Variants in FASTKD1 observed in about 807,000 individuals in gnomAD.
The protein encoded by FASTKD1 is FAST kinase domains 1.
FASTKD1 carries 94 observed loss-of-function variants against 90.9 expected under a neutral mutation model. The observed-to-expected ratio is 1.03, with a 90% CI of 0.88 to 1.23. The LOEUF (loss-of-function observed/expected upper bound fraction) is 1.23. Ranked by LOEUF, FASTKD1 falls within the 50% of genes most tolerant of loss-of-function variation. The probability of loss-of-function intolerance (pLI) is 0.00; values close to 1 mark genes in which losing one functional copy is unlikely to be tolerated. For synonymous variants in FASTKD1, 319 were observed against 345.8 expected (o/e 0.92, Z 0.86); for missense variants, 945 against 993.5 (o/e 0.95, Z 0.66).
At chr2:169,543,515 G>A (rs967896206) in intron 9 of FASTKD1, among the ~76,000 whole-genome samples, 2 of 152,072 alleles carry the variant, frequency 1.3e-5, no homozygotes, top group Admixed American at 6.5e-5. Context: ...ATTTGATTAC[G>A]GACTAGGTAG....
chr2:169,563,924 T>G (rs1683835416), intron 3 of FASTKD1, among the ~76,000 whole-genome samples: 1 of 152,156 alleles, frequency 6.6e-6, no homozygotes, highest in South Asian at 2.1e-4. Context: ...TAAAACATAC[T>G]GAGCAAACTA....
Position 169,561,794 on chromosome 2 carries a change from A to AAAAT in FASTKD1, c.573-1010_573-1009insATTT, listed in dbSNP as rs1226931881. ...TGTAAATTATTTATTAATTTATTGT[A>AAAAT]AATTATTTATTAATTTATTGTAAAT... On this transcript the variant is annotated intron_variant, in intron 4 of 14. Transcript: ENST00000453153. Among the ~76,000 whole-genome samples the AAAAT allele has an allele frequency of 1.6e-4, 23 of 146,442 alleles. 1 individual carries two copies. The South Asian group carries it at 3.6e-3, about 23-fold the overall frequency.
intron 11 of FASTKD1, 135 bp downstream of exon 11, chr2:169,537,877 AT>A: frequency 4.5e-6 from 3 of 661,016 alleles, no homozygotes; most frequent in Non-Finnish European, 7.5e-6. Flanking sequence ...ACAATATCTC[AT>A]ATAAAATATT....
In FASTKD1 at chr2:169,546,256, C is replaced by G; in HGVS notation, c.1663G>C (p.Asp555His). The change falls in exon 8 of 15, where the codon GAT becomes CAT. Residue 555 changes from aspartate to histidine, a missense_variant. Transcript: ENST00000453153. ...STDYLSTLLL[D>H]RIASVAVQQI... Reference sequence around the variant, plus strand: ...TGAACAGCCACTGAGGCTATCCTATCTAGTAGCAAAGTACTGAGGTAATCA... The same window carrying G: ...TGAACAGCCACTGAGGCTATCCTATGTAGTAGCAAAGTACTGAGGTAATCA... The G allele has an allele frequency of 1.2e-6, 2 of 1,606,862 alleles. No individual in the cohort carries two copies. Among genetic ancestry groups the G allele is most frequent in the Middle Eastern group, 1.7e-4 (1 of 5,998 alleles).
Position 169,537,354 on chromosome 2 carries a change from TA to T in FASTKD1, c.2075-15del. ...TGCCACCAATACCTTTATAAAAAAA[TA>T]AATAATTAGTCTACTTAATCTTTTT... On this transcript the variant is annotated splice_polypyrimidine_tract_variant and intron_variant, in intron 11 of 14. Coordinates refer to ENST00000453153, the MANE Select transcript of FASTKD1 (RefSeq NM_024622.6). 6.8e-7 allele frequency: 1 copy of T among 1,476,960 alleles called. No individual in the cohort carries two copies. The allele number at this position is 1,476,960 out of a possible 1,614,324, so 91.5% of individuals were successfully genotyped here.
rs549996472 is a variant in FASTKD1, at chr2:169,534,486, G to C, written c.2188+2741C>G. On this transcript the variant is annotated intron_variant, in intron 12 of 14. Coordinates refer to ENST00000453153, the MANE Select transcript of FASTKD1 (RefSeq NM_024622.6). ...TTCTTTTTTTTTTTTTTTTGATACAGAGTCTCACTGTCGCTCAGGTTGGAG... is the reference window on the plus strand; with the variant it reads ...TTCTTTTTTTTTTTTTTTTGATACACAGTCTCACTGTCGCTCAGGTTGGAG... Among the ~76,000 whole-genome samples, 10 of 129,542 alleles carry C rather than the reference G, an allele frequency of 7.7e-5. No individual in the cohort carries two copies. In the South Asian group the frequency reaches 9.8e-4, roughly 13 times the overall value. The allele number at this position is 129,542 out of a possible 152,430, so 85.0% of individuals were successfully genotyped here. A position where few individuals can be genotyped will look rare whatever the true frequency, so the allele number is the denominator to read the frequency against.
At chr2:169,551,135 T>A (rs1032009178) in intron 7 of FASTKD1, among the ~76,000 whole-genome samples, 1 of 152,100 alleles carries the variant, frequency 6.6e-6, no homozygotes, top group Non-Finnish European at 1.5e-5. Flanking sequence ...TAAAAAAATA[T>A]CGAGTGTTGG....
rs1313557357 is a variant in FASTKD1, at chr2:169,556,011, C to T, written c.1083-756G>A. On this transcript the variant is annotated intron_variant, in intron 6 of 14. Transcript: ENST00000453153. ...GCAAAATAGTAAGACCCTATCTCTA[C>T]AAAAAATTTTAAAACTAAGAAAGAA... Among the ~76,000 whole-genome samples, 3 of 150,514 alleles carry T rather than the reference C, an allele frequency of 2.0e-5. No homozygotes were observed. The East Asian group carries it at 5.8e-4, about 29-fold the overall frequency.
intron 3 of FASTKD1, among the ~76,000 whole-genome samples, chr2:169,564,951 TC>T (rs1251913430): frequency 0.025 from 3,027 of 123,146 alleles, 57 homozygotes; most frequent in East Asian, 0.062. Flanking sequence ...ACCACATTTT[TC>T]TTTTTTTTTT....
intron 1 of FASTKD1, 24 bp from the exon 2 acceptor site, chr2:169,572,195 G>A: frequency 3.1e-6 from 2 of 653,102 alleles, no homozygotes; most frequent in Non-Finnish European, 4.6e-6. Flanking sequence ...GGTTTAACAT[G>A]GTTATGCTTA....
intron 10 of FASTKD1, among the ~76,000 whole-genome samples, chr2:169,539,166 G>A (rs1684858768): frequency 6.6e-6 from 1 of 151,936 alleles, no homozygotes; most frequent in South Asian, 2.1e-4. Flanking sequence ...TACTCGAGAG[G>A]CTGAAGCAGG....
intron 12 of FASTKD1, 82 bp from the exon 13 acceptor site, chr2:169,531,572 G>A (rs1684495016): frequency 9.4e-7 from 1 of 1,060,888 alleles, no homozygotes; most frequent in South Asian, 1.7e-5. Context: ...AAATATATAT[G>A]CATATAATAT....
chr2:169,536,715 T>A (rs1297635756), intron 12 of FASTKD1, among the ~76,000 whole-genome samples: 1 of 152,220 alleles, frequency 6.6e-6, no homozygotes, highest in East Asian at 1.9e-4. Flanking sequence ...ACCAGCTTTA[T>A]GTGATCCACA....
At chr2:169,540,779 C>T (rs1684927189) in intron 9 of FASTKD1, among the ~76,000 whole-genome samples, 1 of 152,180 alleles carries the variant, frequency 6.6e-6, no homozygotes, top group African/African-American at 2.4e-5. Flanking sequence ...GAATGTCCAG[C>T]TCTGGAGCCT....
chr2:169,563,410 T>C (rs574483928), intron 3 of FASTKD1, 60 bp from the exon 4 acceptor site: 2 of 1,186,276 alleles, frequency 1.7e-6, no homozygotes, highest in Non-Finnish European at 2.3e-6. Flanking sequence ...AAACACATAA[T>C]ATATAGTTAT....
intron 7 of FASTKD1, among the ~76,000 whole-genome samples, chr2:169,547,918 A>AAAAAAAAAAAAAAAAAG (rs1685282996): frequency 7.8e-6 from 1 of 127,448 alleles, no homozygotes; most frequent in Non-Finnish European, 1.7e-5. Context: ...AAAAAAAAAG[A>AAAAAAAAAAAAAAAAAG]GTTTGATAAA....
intron 4 of FASTKD1, among the ~76,000 whole-genome samples, chr2:169,562,386 C>T (rs1479028997): frequency 1.3e-5 from 2 of 151,900 alleles, no homozygotes; most frequent in Admixed American, 6.6e-5. Context: ...GCGCCCGCCA[C>T]CATGCCCAGC....
chr2:169,536,150 C>A (rs1234888862), intron 12 of FASTKD1, among the ~76,000 whole-genome samples: 1 of 152,216 alleles, frequency 6.6e-6, no homozygotes, highest in South Asian at 2.1e-4. Context: ...TGAGCACTTA[C>A]TATGTTCCAA....
chr2:169,554,606 G>A (rs1170977651), intron 7 of FASTKD1, among the ~76,000 whole-genome samples: 4 of 114,150 alleles, frequency 3.5e-5, no homozygotes, highest in Admixed American at 8.0e-5. Context: ...GGAGGTTGCA[G>A]TGAGCCAAGA....
Sources: gnomAD v4.1 joint callset for allele counts (sites outside exome capture counted in the v4.1 genomes callset) on GRCh38, gnomAD v4.1.1 for gene constraint, MANE v1.5 for transcripts, NCBI Gene and HGNC (gene_info 2026-07-23, HGNC 2026-07-21) for gene names.